TP73: variants seen among roughly 807,000 people sequenced by gnomAD.
The protein encoded by TP73 is p53-like transcription factor.
Under a neutral mutation model 62.5 loss-of-function variants are expected in TP73, and 25 were observed. That is an observed-to-expected ratio of 0.40 (90% CI 0.29 to 0.56). The LOEUF is 0.56. Among genes scored for constraint, TP73 ranks in the 20% least tolerant of loss-of-function variants. TP73 has a pLI of 0.46. For missense variants in TP73, 754 were observed against 913.3 expected, an observed-to-expected ratio of 0.83 and a Z score of 2.25; for synonymous variants, 423 against 377.5, an observed-to-expected ratio of 1.12 and a Z score of -1.40.
chr1:3,716,543 G>A (rs1640609862), intron 4 of TP73, among the ~76,000 whole-genome samples: 1 of 152,194 alleles, frequency 6.6e-6, no homozygotes, highest in African/African-American at 2.4e-5. Flanking sequence ...CTGGGGCAGG[G>A]AGGGACCAGC....
chr1:3,669,232 G>C (rs1355242395), intron 1 of TP73, among the ~76,000 whole-genome samples: 1 of 152,208 alleles, frequency 6.6e-6, no homozygotes, highest in East Asian at 1.9e-4. Context: ...TGCCACCGTG[G>C]GTGCAGTGGC....
In TP73 at chr1:3,680,419, C is replaced by T. The variant is rs143851370; in HGVS notation, c.-33-1914C>T. Reference sequence around the variant, plus strand: ...TGGCAAGTCCATTTCCATCTCTGGACTCAGGTGGCCCATCTACAAAATGAA... The same window carrying T: ...TGGCAAGTCCATTTCCATCTCTGGATTCAGGTGGCCCATCTACAAAATGAA... On this transcript the variant is annotated intron_variant, in intron 1 of 13. Coordinates refer to ENST00000378295, the MANE Select transcript of TP73 (RefSeq NM_005427.4). Among the ~76,000 whole-genome samples, 39 of 152,308 alleles carry T rather than the reference C, an allele frequency of 2.6e-4. No individual in the cohort carries two copies. In the East Asian group the frequency reaches 7.1e-3, roughly 28 times the overall value.
intron 12 of TP73, 60 bp from the exon 13 acceptor site, chr1:3,731,403 G>A: frequency 1.3e-6 from 2 of 1,532,868 alleles, no homozygotes; most frequent in African/African-American, 1.4e-5. Flanking sequence ...AGAGATGGGG[G>A]CTCGCGCAGC....
At chr1:3,667,476 C>T (rs148684286) in intron 1 of TP73, among the ~76,000 whole-genome samples, 288 of 152,308 alleles carry the variant, frequency 1.9e-3, no homozygotes, top group African/African-American at 6.4e-3. Context: ...GGCAGCTGGG[C>T]GCGGTGGCTC....
At position 3,670,211 on chromosome 1, in the gene TP73, G is replaced by A. The variant is rs1387156594; in HGVS notation, c.-33-12122G>A. Among the ~76,000 whole-genome samples, 2 of 152,092 alleles carry A rather than the reference G, an allele frequency of 1.3e-5. No individual in the cohort carries two copies. Among genetic ancestry groups the A allele is most frequent in the Non-Finnish European group, 2.9e-5 (2 of 68,016 alleles). On this transcript the variant is annotated intron_variant, in intron 1 of 13. Transcript: ENST00000378295. This position sits in a 1 kb window ranked among gnomAD's most constrained non-coding sequence, Gnocchi z 5.9. ...GGCAGGGATGATGATGGGGCCAGGG[G>A]ACCACATGGGCACAGGTAAGGCAGG...
At chr1:3,704,721 GCC>G (rs2124371265) in intron 3 of TP73, among the ~76,000 whole-genome samples, 1 of 152,310 alleles carries the variant, frequency 6.6e-6, no homozygotes, top group East Asian at 1.9e-4. Context: ...GGCCTCTTGG[GCC>G]TCGGTGAGGA....
rs759828864 is a variant in TP73, at chr1:3,707,801, C to G, written c.429+10C>G. On this transcript the variant is annotated intron_variant, in intron 4 of 13. Coordinates refer to ENST00000378295, the MANE Select transcript of TP73 (RefSeq NM_005427.4). ...GTCAGCCACCTGGACGGTGAGTTCC[C>G]CTAGTCCCTGAGGGCTGCGGGCTGC... 6.2e-7 allele frequency: 1 copy of G among 1,610,932 alleles called. No homozygotes were observed. Among genetic ancestry groups the G allele is most frequent in the South Asian group, 1.1e-5 (1 of 91,026 alleles).
chr1:3,732,884 C>G lies in TP73; in HGVS notation c.1716C>G (p.Gly572=). ...GCAACGCGGCCACCATCTCCATCGGCGGCTCAGGGGAACTGCAGCGCCAGC... is the reference window on the plus strand; with the variant it reads ...GCAACGCGGCCACCATCTCCATCGGGGGCTCAGGGGAACTGCAGCGCCAGC... ...RSSNAATISI[G]GSGELQRQRV... is the part of the protein sequence containing the mutation. The change falls in exon 14 of 14, where the codon GGC becomes GGG. Residue 572 remains glycine (G), a synonymous_variant. Coordinates refer to ENST00000378295, the MANE Select transcript of TP73 (RefSeq NM_005427.4). 2 of 1,611,592 alleles carry G rather than the reference C, an allele frequency of 1.2e-6. No individual in the cohort carries two copies. The highest frequency in any genetic ancestry group is 1.7e-6 in the Non-Finnish European group (2 of 1,179,630).
At chr1:3,661,508 A>T (rs1230618759) in intron 1 of TP73, among the ~76,000 whole-genome samples, 1 of 151,892 alleles carries the variant, frequency 6.6e-6, no homozygotes, top group Non-Finnish European at 1.5e-5. Context: ...CAGGAGTTCG[A>T]GACCAGCCTG....
At chr1:3,653,672 C>T (rs762432067) in intron 1 of TP73, among the ~76,000 whole-genome samples, 8 of 152,180 alleles carry the variant, frequency 5.3e-5, no homozygotes, top group Non-Finnish European at 1.0e-4. Context: ...TTTTTTGTTG[C>T]TGTCATTGCT....
chr1:3,705,048 G>GT (rs1639512381), intron 3 of TP73, among the ~76,000 whole-genome samples: 2 of 152,160 alleles, frequency 1.3e-5, no homozygotes, highest in Non-Finnish European at 2.9e-5. Context: ...ATTTTGTTTC[G>GT]TTTTTTGAGA....
intron 1 of TP73, among the ~76,000 whole-genome samples, chr1:3,657,741 G>C (rs1329990469): frequency 1.3e-5 from 2 of 152,180 alleles, no homozygotes; most frequent in Non-Finnish European, 2.9e-5. Context: ...TGAAGGTCGG[G>C]GTTGGGCACA....
intron 1 of TP73, among the ~76,000 whole-genome samples, chr1:3,680,390 T>C (rs1645492368): frequency 6.6e-6 from 1 of 152,200 alleles, no homozygotes; most frequent in Middle Eastern, 3.2e-3. Flanking sequence ...CCACCTGCTG[T>C]GGATGGCAAG....
chr1:3,686,799 C>G (rs530050299), intron 3 of TP73, among the ~76,000 whole-genome samples: 237 of 152,302 alleles, frequency 1.6e-3, no homozygotes, highest in African/African-American at 5.2e-3. Flanking sequence ...AGGACCTACC[C>G]CTTCCCTTCT....
Position 3,727,649 on chromosome 1 carries a change from G to T in TP73, c.864G>T (p.Arg288=). Residue 288 remains arginine, a synonymous_variant, in exon 8 of 14, where the codon CGG becomes CGT. Transcript: ENST00000378295. ...ACAGTGGGCAGGTGCTGGGCCGCCGGTCCTTTGAGGGCCGCATCTGCGCCT... is the reference window on the plus strand; with the variant it reads ...ACAGTGGGCAGGTGCTGGGCCGCCGTTCCTTTGAGGGCCGCATCTGCGCCT... ...EMRDGQVLGR[R]SFEGRICACP... The T allele has an allele frequency of 6.2e-7, 1 of 1,600,844 alleles. No homozygotes were observed.
intron 3 of TP73, among the ~76,000 whole-genome samples, chr1:3,704,018 G>A (rs971230031): frequency 3.3e-5 from 5 of 152,306 alleles, no homozygotes; most frequent in East Asian, 1.9e-4. Context: ...GGGAGGGGCC[G>A]GCTCATGTCC....
At chr1:3,732,206 TG>T (rs963852217) in intron 13 of TP73, among the ~76,000 whole-genome samples, 1 of 152,170 alleles carries the variant, frequency 6.6e-6, no homozygotes, top group African/African-American at 2.4e-5. Flanking sequence ...ATCCCCAGCC[TG>T]GGGCTGCAGA....
At chr1:3,687,670 C>T (rs887722926) in intron 3 of TP73, among the ~76,000 whole-genome samples, 5 of 152,100 alleles carry the variant, frequency 3.3e-5, no homozygotes, top group Non-Finnish European at 5.9e-5. Context: ...TCCTCCCTCC[C>T]CTCCCCTCCA....
chr1:3,703,496 TG>T (rs1032701144), intron 3 of TP73, among the ~76,000 whole-genome samples: 2 of 152,148 alleles, frequency 1.3e-5, no homozygotes, highest in African/African-American at 4.8e-5. Flanking sequence ...GATTCCCGCG[TG>T]GGGCCGCCTG....
Sources: allele counts gnomAD v4.1 joint callset (sites outside exome capture counted in the v4.1 genomes callset), GRCh38; gene constraint gnomAD v4.1.1; non-coding constraint Gnocchi (gnomAD v3.1); transcripts MANE v1.5; gene names NCBI Gene and HGNC (gene_info 2026-07-23, HGNC 2026-07-21).